Variants in MUC5B observed in about 807,000 individuals in gnomAD.
MUC5B encodes the protein mucin 5B, oligomeric mucus/gel-forming, also known as mucin-5B.
MUC5B carries 116 observed loss-of-function variants against 376.9 expected under a neutral mutation model. The ratio of observed to expected loss-of-function variants is 0.31; its 90% CI spans 0.26 to 0.36. The LOEUF is 0.36. MUC5B is among the 10% of genes least tolerant of loss of function. MUC5B has a pLI of 1.00. For missense variants in MUC5B, 7,165 were observed against 7,769.9 expected, an observed-to-expected ratio of 0.92 and a Z score of 2.93; for synonymous variants, 3,517 against 3,390.9, an observed-to-expected ratio of 1.04 and a Z score of -1.29.
At chr11:1,256,398 A>G (rs572815807) in intron 38 of MUC5B, among the ~76,000 whole-genome samples, 173 bp downstream of exon 38, 1 of 152,074 alleles carries the variant, frequency 6.6e-6, no homozygotes, top group African/African-American at 2.4e-5. Flanking sequence ...TTAGAGACAG[A>G]GTCAGGCAGG....
Position 1,223,104 on chromosome 11 carries a change from C to A in MUC5B, c.-20C>A, listed in dbSNP as rs369938192. On this transcript the variant is annotated 5_prime_UTR_variant, in exon 1 of 49. Coordinates refer to ENST00000529681, the MANE Select transcript of MUC5B (RefSeq NM_002458.3). ...CCCTCCCTGCCCGTCCCCGTCCCCC[C>A]ACCCGTGCCAGCCCCCAGGATGGGT... 19 of 699,054 alleles carry A rather than the reference C, an allele frequency of 2.7e-5. No homozygotes were observed. The highest frequency in any genetic ancestry group is 3.6e-4 in the Middle Eastern group (1 of 2,750). The allele number at this position is 699,054 out of a possible 1,614,324, so 43.3% of individuals were successfully genotyped here. A position where few individuals can be genotyped will look rare whatever the true frequency, so the allele number is the denominator to read the frequency against.
chr11:1,241,397 G>A lies in MUC5B; in HGVS notation c.4517G>A (p.Arg1506Gln), dbSNP rs368365490. 253 of 1,613,578 alleles carry A rather than the reference G, an allele frequency of 1.6e-4. No individual in the cohort carries two copies. The highest frequency in any genetic ancestry group is 2.0e-4 in the Non-Finnish European group (238 of 1,179,626). The stretch of plus-strand genomic sequence containing the variant: ...CCAGGTACCACCACCTGCCAGCCCC[G>A]GTGTCAGTGGACAGAGTGGTTTGAT... ...SAPGTTTCQP[R>Q]CQWTEWFDED... Residue 1506 changes from arginine to glutamine, a missense_variant, in exon 31 of 49, where the codon CGG becomes CAG. Arg to Gln is a conservative substitution (Grantham distance 43). This residue lies in a region of MUC5B where 517 missense variants were observed against 545.3 expected (regional missense o/e 0.95). Coordinates refer to ENST00000529681, the MANE Select transcript of MUC5B (RefSeq NM_002458.3).
Position 1,242,667 on chromosome 11 carries a change from C to T in MUC5B, c.5787C>T (p.Thr1929=), listed in dbSNP as rs746598826. ...STGSTATPTS[T]LRTAPPPKVL... is the part of the protein sequence containing the mutation. ...GATCCACGGCCACCCCGACCTCCAC[C>T]CTGAGAACAGCTCCCCCTCCCAAAG... Residue 1929 remains threonine (T), a synonymous_variant, in exon 31 of 49, where the codon ACC becomes ACT. Transcript: ENST00000529681. 3.1e-6 allele frequency: 5 copies of T among 1,613,756 alleles called. No individual in the cohort carries two copies. The South Asian group carries it at 5.5e-5, about 18-fold the overall frequency.
Position 1,242,990 on chromosome 11 carries a change from C to A in MUC5B, c.6110C>A (p.Ala2037Asp), listed in dbSNP as rs755025592. The A allele has an allele frequency of 2.5e-6, 4 of 1,612,844 alleles. No individual in the cohort carries two copies. The highest frequency in any genetic ancestry group is 1.1e-5 in the South Asian group (1 of 91,024). ...ATTTGATGSVATPSSTPGTAH... is the reference protein window; with the variant it reads ...ATTTGATGSVDTPSSTPGTAH... ...ACAACTGGGGCCACCGGCTCTGTGGCCACCCCCTCCTCCACCCCAGGAACA... is the reference window on the plus strand; with the variant it reads ...ACAACTGGGGCCACCGGCTCTGTGGACACCCCCTCCTCCACCCCAGGAACA... The change falls in exon 31 of 49, where the codon GCC becomes GAC. Residue 2037 changes from alanine to aspartate, a missense_variant. Ala to Asp is a moderately radical substitution (Grantham distance 126, BLOSUM62 -2). Around this residue, in one of 31 missense-constraint regions of MUC5B, gnomAD observed 897 missense variants for 779.6 expected, o/e 1.15. Coordinates refer to ENST00000529681, the MANE Select transcript of MUC5B (RefSeq NM_002458.3).
intron 8 of MUC5B, among the ~76,000 whole-genome samples, 183 bp downstream of exon 8, chr11:1,228,948 G>T (rs1359439544): frequency 2.2e-4 from 34 of 152,012 alleles, no homozygotes. Flanking sequence ...TCCGGGGGCT[G>T]CAGGAGAAGG....
In MUC5B at chr11:1,257,804, G is replaced by C. The variant is rs1489452529; in HGVS notation, c.16450+94G>C. On this transcript the variant is annotated intron_variant, in intron 41 of 48. Transcript: ENST00000529681. The surrounding 1 kb of genome is among the most constrained non-coding windows in gnomAD (Gnocchi z 8.9). ...CCTGTGGGTTGGGCACAGGAGAGCAGAGGAGAGCCACTGTGTCCTGGCGTG... is the reference window on the plus strand; with the variant it reads ...CCTGTGGGTTGGGCACAGGAGAGCACAGGAGAGCCACTGTGTCCTGGCGTG... 7.1e-7 allele frequency: 1 copy of C among 1,408,892 alleles called. No individual in the cohort carries two copies. The highest frequency in any genetic ancestry group is 2.5e-5 in the East Asian group (1 of 40,008). The allele number at this position is 1,408,892 out of a possible 1,614,324, so 87.3% of individuals were successfully genotyped here. A position where few individuals can be genotyped will look rare whatever the true frequency, so the allele number is the denominator to read the frequency against.
Position 1,250,444 on chromosome 11 carries a change from T to C in MUC5B, c.13564T>C (p.Phe4522Leu). Residue 4522 changes from phenylalanine to leucine, a missense_variant, in exon 31 of 49, where the codon TTT becomes CTT. Physicochemically the swap from Phe to Leu is conservative, Grantham distance 22. Around this residue, in one of 31 missense-constraint regions of MUC5B, gnomAD observed 431 missense variants for 390.4 expected, o/e 1.10. Transcript: ENST00000529681. Reference protein sequence around the residue: ...STATTPTATSFTAIPSSSLGT... With the variant: ...STATTPTATSLTAIPSSSLGT... ...AGCCACCACACCCACAGCTACCAGC[T>C]TTACAGCCATCCCCTCCTCCTCCCT... 6.3e-7 allele frequency: 1 copy of C among 1,592,224 alleles called. No homozygotes were observed. The highest frequency in any genetic ancestry group is 8.6e-7 in the Non-Finnish European group (1 of 1,164,938).
Position 1,255,511 on chromosome 11 carries a change from C to A in MUC5B, c.16019C>A (p.Ala5340Asp). The A allele has an allele frequency of 1.9e-6, 3 of 1,551,690 alleles. No individual in the cohort carries two copies. The highest frequency in any genetic ancestry group is 2.6e-6 in the Non-Finnish European group (3 of 1,147,398). Reference sequence around the variant, plus strand: ...GAGGCTTACGCAGAGCTCTGCCGCGCCCGGGGAGTGTGCAGTGACTGGCGA... The same window carrying A: ...GAGGCTTACGCAGAGCTCTGCCGCGACCGGGGAGTGTGCAGTGACTGGCGA... ...SLEAYAELCR[A>D]RGVCSDWRGA... Residue 5340 changes from alanine (A) to aspartate (D), a missense_variant, in exon 37 of 49, where the codon GCC becomes GAC. Physicochemically the swap from Ala to Asp is moderately radical, Grantham distance 126. Coordinates refer to ENST00000529681, the MANE Select transcript of MUC5B (RefSeq NM_002458.3).
In MUC5B at chr11:1,227,105, T is replaced by C. The variant is rs1389544291; in HGVS notation, c.536T>C (p.Leu179Pro). 1.9e-6 allele frequency: 3 copies of C among 1,612,412 alleles called. No homozygotes were observed. In the African/African-American group the frequency reaches 4.0e-5, roughly 22 times the overall value. Residue 179 changes from leucine to proline, a missense_variant, in exon 5 of 49, where the codon CTG becomes CCG. Transcript: ENST00000529681. ...GACTACATCAAGGTCAGCATCCGGC[T>C]GGTGCTGACATTCCTGTGGAACGGA... is the stretch of plus-strand genomic sequence containing the variant. ...SGDYIKVSIR[L>P]VLTFLWNGED... is the part of the protein sequence containing the mutation.
In MUC5B at chr11:1,250,421, C is replaced by T. The variant is rs745516000; in HGVS notation, c.13541C>T (p.Ala4514Val). 1 of 1,595,918 alleles carries T rather than the reference C, an allele frequency of 6.3e-7. No individual in the cohort carries two copies. Among genetic ancestry groups the T allele is most frequent in the East Asian group, 2.2e-5 (1 of 44,860 alleles). Residue 4514 changes from alanine to valine, a missense_variant, in exon 31 of 49, where the codon GCC becomes GTC. By Grantham distance (64) the Ala-to-Val change is moderately conservative. Transcript: ENST00000529681. ...ATALPALRST[A>V]TTPTATSFTA... Reference sequence around the variant, plus strand: ...GCCCTTCCAGCACTGAGAAGCACAGCCACCACACCCACAGCTACCAGCTTT... The same window carrying T: ...GCCCTTCCAGCACTGAGAAGCACAGTCACCACACCCACAGCTACCAGCTTT...
intron 1 of MUC5B, among the ~76,000 whole-genome samples, chr11:1,223,775 C>T (rs1411387923): frequency 2.0e-5 from 3 of 152,368 alleles, no homozygotes; most frequent in South Asian, 2.1e-4. Context: ...CTCAGCCGAG[C>T]GTTTTCCCTC....
At chr11:1,238,037 G>A (rs960808372) in intron 25 of MUC5B, among the ~76,000 whole-genome samples, 2 of 152,300 alleles carry the variant, frequency 1.3e-5, no homozygotes, top group Non-Finnish European at 2.9e-5. Context: ...CTCTCATGTC[G>A]GCCGCCGCTT....
Position 1,240,960 on chromosome 11 carries a change from G to C in MUC5B, c.4080G>C (p.Thr1360=). The C allele has an allele frequency of 6.2e-7, 1 of 1,613,450 alleles. No individual in the cohort carries two copies. The highest frequency in any genetic ancestry group is 8.5e-7 in the Non-Finnish European group (1 of 1,179,844). Residue 1360 remains threonine, a synonymous_variant, in exon 31 of 49, where the codon ACG becomes ACC. Coordinates refer to ENST00000529681, the MANE Select transcript of MUC5B (RefSeq NM_002458.3). ...GCCTGGGAGGCGGAGACTTTGAGAC[G>C]TTTGAAAACCTGAGGCAGAGAGGGT... ...EPGLGGGDFE[T]FENLRQRGYQ... is the part of the protein sequence containing the mutation.
intron 31 of MUC5B, 68 bp downstream of exon 31, chr11:1,251,811 C>A: frequency 8.5e-7 from 1 of 1,171,970 alleles, no homozygotes; most frequent in Non-Finnish European, 1.2e-6. Context: ...GTCTGCCTGT[C>A]CTGGGAGCCA....
chr11:1,230,235 G>C, intron 11 of MUC5B, 92 bp downstream of exon 11: 1 of 1,478,744 alleles, frequency 6.8e-7, no homozygotes, highest in Non-Finnish European at 9.0e-7. Flanking sequence ...GATGGTCATA[G>C]AGGGGTGGAT....
rs755786475 is a variant in MUC5B, at chr11:1,259,824, C to A, written c.16782C>A (p.Pro5594=). ...GECVQTACLT[P]DGQPVQLNET... ...GCGTCCAGACCGCCTGCCTCACGCC[C>A]GATGGCCAGCCAGTCCAGGTAACAG... Residue 5594 remains proline, a synonymous_variant, in exon 45 of 49, where the codon CCC becomes CCA. Coordinates refer to ENST00000529681, the MANE Select transcript of MUC5B (RefSeq NM_002458.3). 6.2e-7 allele frequency: 1 copy of A among 1,612,440 alleles called. No homozygotes were observed. Among genetic ancestry groups the A allele is most frequent in the Non-Finnish European group, 8.5e-7 (1 of 1,179,686 alleles).
In MUC5B at chr11:1,252,257, C is replaced by T. The variant is rs147379418; in HGVS notation, c.14864-86C>T. ...TCCCTGGAACCGCTGCTCCCTCCTG[C>T]GCTGACCTCTGCCTTTGCTCTCCCA... On this transcript the variant is annotated intron_variant, in intron 31 of 48. Transcript: ENST00000529681. The T allele has an allele frequency of 4.6e-4, 618 of 1,349,562 alleles. 6 individuals carry two copies. The African/African-American group carries it at 8.0e-3, about 17-fold the overall frequency. The allele number at this position is 1,349,562 out of a possible 1,614,324, so 83.6% of individuals were successfully genotyped here.
At position 1,234,678 on chromosome 11, in the gene MUC5B, C is replaced by A. The variant is rs1227293470; in HGVS notation, c.2628C>A (p.Thr876=). ...PGETIRVDCN[T]CTCRNRRWEC... Reference sequence around the variant, plus strand: ...AGACCATCAGGGTCGACTGCAACACCTGGTGGGTCGTGAGTCTCTCGGAGG... The same window carrying A: ...AGACCATCAGGGTCGACTGCAACACATGGTGGGTCGTGAGTCTCTCGGAGG... Residue 876 remains threonine, a splice_region_variant and synonymous_variant, in exon 21 of 49, where the codon ACC becomes ACA. Transcript: ENST00000529681. The surrounding 1 kb of genome is among the most constrained non-coding windows in gnomAD (Gnocchi z 6.3). The A allele has an allele frequency of 7.2e-7, 1 of 1,387,196 alleles. No homozygotes were observed. Among genetic ancestry groups the A allele is most frequent in the Admixed American group, 2.2e-5 (1 of 44,934 alleles). The allele number at this position is 1,387,196 out of a possible 1,614,324, so 85.9% of individuals were successfully genotyped here.
At position 1,259,166 on chromosome 11, in the gene MUC5B, G is replaced by A; in HGVS notation, c.16713+105G>A. The A allele has an allele frequency of 3.4e-6, 4 of 1,185,994 alleles. No homozygotes were observed. The South Asian group carries it at 4.2e-5, about 13-fold the overall frequency. 73.5% of individuals were successfully genotyped at this position (1,185,994 alleles called of 1,614,324 possible). Reference sequence around the variant, plus strand: ...GTGAGACCTGAGTCACCCGCCCCCAGGTGAGCCCCCGAGGCACCTGCCCCC... The same window carrying A: ...GTGAGACCTGAGTCACCCGCCCCCAAGTGAGCCCCCGAGGCACCTGCCCCC... On this transcript the variant is annotated intron_variant, in intron 44 of 48. Coordinates refer to ENST00000529681, the MANE Select transcript of MUC5B (RefSeq NM_002458.3).
Sources: gnomAD v4.1 joint callset for allele counts (sites outside exome capture counted in the v4.1 genomes callset) on GRCh38, gnomAD v4.1.1 for gene constraint, gnomAD v4.1.1 regional missense constraint, Gnocchi (gnomAD v3.1) non-coding constraint, MANE v1.5 for transcripts, NCBI Gene and HGNC (gene_info 2026-07-23, HGNC 2026-07-21) for gene names.